Variants in WWTR1 observed in about 807,000 individuals in gnomAD.
WWTR1 encodes WW domain-containing transcription regulator protein 1.
WWTR1 carries 13 observed loss-of-function variants against 40.1 expected under a neutral mutation model. The observed-to-expected ratio is 0.32, with a 90% CI of 0.21 to 0.52. The LOEUF (loss-of-function observed/expected upper bound fraction) is 0.52. Ranked by LOEUF, WWTR1 falls within the 20% of genes least tolerant of loss-of-function variation. The pLI is 0.97. For synonymous variants in WWTR1, 230 were observed against 210.1 expected, an observed-to-expected ratio of 1.09 and a Z score of -0.82; for missense variants, 436 against 523.1, an observed-to-expected ratio of 0.83 and a Z score of 1.63.
intron 2 of WWTR1, among the ~76,000 whole-genome samples, chr3:149,655,777 T>C (rs1196997748): frequency 1.3e-5 from 2 of 152,244 alleles, no homozygotes; most frequent in Admixed American, 1.3e-4. Flanking sequence ...TAGGGCTCTC[T>C]CATAGCAATC....
chr3:149,660,814 T>G (rs1713537780), upstream of WWTR1, among the ~76,000 whole-genome samples: 1 of 152,234 alleles, frequency 6.6e-6, no homozygotes, highest in Admixed American at 6.5e-5. Context: ...GAACACAATA[T>G]TTGAAGCTGG....
chr3:149,589,749 C>T (rs866319158), intron 2 of WWTR1, among the ~76,000 whole-genome samples: 9 of 151,602 alleles, frequency 5.9e-5, no homozygotes, highest in Admixed American at 3.3e-4. Flanking sequence ...GCCTTACACA[C>T]AGCAGACATT....
At chr3:149,675,048 G>A (rs768338448) in intron 1 of WWTR1, among the ~76,000 whole-genome samples, 4 of 152,186 alleles carry the variant, frequency 2.6e-5, no homozygotes, top group Non-Finnish European at 5.9e-5. Context: ...ACGCTAGTCC[G>A]GGGTTTGGAC....
At chr3:149,567,007 A>T (rs896289375) in intron 3 of WWTR1, among the ~76,000 whole-genome samples, 1 of 152,068 alleles carries the variant, frequency 6.6e-6, no homozygotes, top group Non-Finnish European at 1.5e-5. Flanking sequence ...CACTTTACCA[A>T]AAGTTTCTGA....
At chr3:149,653,765 C>T (rs1332305405) in intron 2 of WWTR1, among the ~76,000 whole-genome samples, 1 of 152,158 alleles carries the variant, frequency 6.6e-6, no homozygotes, top group Non-Finnish European at 1.5e-5. Flanking sequence ...AAAAGGAAAA[C>T]TGTTGCCTAA....
chr3:149,678,184 C>G (rs1024051689), intron 1 of WWTR1, among the ~76,000 whole-genome samples: 3 of 152,158 alleles, frequency 2.0e-5, no homozygotes, highest in Non-Finnish European at 4.4e-5. Flanking sequence ...AACTTTTCAT[C>G]TCAACTATTT....
At chr3:149,565,848 T>C (rs1459292820) in intron 3 of WWTR1, among the ~76,000 whole-genome samples, 1 of 148,198 alleles carries the variant, frequency 6.7e-6, no homozygotes, top group Non-Finnish European at 1.5e-5. Flanking sequence ...GAGGTGGAGG[T>C]TGTGGGGAGG....
chr3:149,701,754 G>A (rs1715186374), intron 1 of WWTR1: 1 of 174,330 alleles, frequency 5.7e-6, no homozygotes. Flanking sequence ...TGTTTAAGTT[G>A]AAGCGCTCTC....
At chr3:149,670,766 A>T (rs542463820) in intron 1 of WWTR1, 1 of 152,238 alleles carries the variant, frequency 6.6e-6, no homozygotes, top group Non-Finnish European at 1.5e-5. Flanking sequence ...TTTTTTACTC[A>T]CTGCCCAAGA....
intron 4 of WWTR1, among the ~76,000 whole-genome samples, chr3:149,539,040 C>T (rs1217229526): frequency 1.3e-5 from 2 of 152,094 alleles, no homozygotes; most frequent in Non-Finnish European, 2.9e-5. Flanking sequence ...TCAAAGTTTC[C>T]TCAGATCCAT....
intron 2 of WWTR1, among the ~76,000 whole-genome samples, chr3:149,602,669 C>T (rs1213157598): frequency 6.6e-6 from 1 of 152,140 alleles, no homozygotes; most frequent in South Asian, 2.1e-4. Flanking sequence ...AGGCTTCCCC[C>T]CCAACTTTTT....
chr3:149,686,517 C>A (rs758389225), intron 1 of WWTR1, among the ~76,000 whole-genome samples: 1 of 152,058 alleles, frequency 6.6e-6, no homozygotes, highest in South Asian at 2.1e-4. Context: ...GCAATACATA[C>A]AGCAAGACAC....
chr3:149,650,284 A>ATGT lies in WWTR1; in HGVS notation c.431+6591_431+6592insACA, dbSNP rs1712790592. On this transcript the variant is annotated intron_variant, in intron 2 of 6. Coordinates refer to ENST00000360632, the MANE Select transcript of WWTR1 (RefSeq NM_015472.6). ...ATTACAAGACCTAATTATGGGCCAC[A>ATGT]CAATTGGCATGAGACAGCATGGCAT... The ATGT allele has an allele frequency of 2.0e-5, 3 of 152,368 alleles. No homozygotes were observed. The South Asian group carries it at 6.2e-4, about 32-fold the overall frequency. 9.4% of individuals were successfully genotyped at this position (152,368 alleles called of 1,614,324 possible).
At chr3:149,721,421 T>C (rs553144041) in intron 4 of WWTR1, among the ~76,000 whole-genome samples, 1 of 152,358 alleles carries the variant, frequency 6.6e-6, no homozygotes, top group South Asian at 2.1e-4. Context: ...TTTTCATAGA[T>C]TGAATCATCC....
chr3:149,579,483 C>T (rs879843468), intron 2 of WWTR1, among the ~76,000 whole-genome samples: 1 of 149,040 alleles, frequency 6.7e-6, no homozygotes, highest in South Asian at 2.2e-4. Context: ...TTTTCTCTTC[C>T]AGTAGAATAC....
At chr3:149,581,845 T>G (rs1408646094) in intron 2 of WWTR1, among the ~76,000 whole-genome samples, 1 of 152,034 alleles carries the variant, frequency 6.6e-6, no homozygotes, top group Non-Finnish European at 1.5e-5. Flanking sequence ...CTCACGTCCT[T>G]CCCACTGAGC....
At chr3:149,628,239 G>A (rs944041276) in intron 2 of WWTR1, among the ~76,000 whole-genome samples, 7 of 149,414 alleles carry the variant, frequency 4.7e-5, no homozygotes, top group Non-Finnish European at 7.4e-5. Context: ...GCGTGGTGGC[G>A]GGCGCCTGTA....
chr3:149,576,212 CAAGT>C (rs1050804247), intron 2 of WWTR1: 5 of 409,752 alleles, frequency 1.2e-5, no homozygotes, highest in Middle Eastern at 5.6e-4. Context: ...CTGAATGCAA[CAAGT>C]AAGAGTGAGC....
intron 6 of WWTR1, 29 bp downstream of exon 6, chr3:149,525,984 T>C (rs1560043798): frequency 1.4e-6 from 2 of 1,387,856 alleles, no homozygotes; most frequent in African/African-American, 1.5e-5. Flanking sequence ...CACAAACCCA[T>C]TGTAAGTGCT....
Sources: gnomAD v4.1 joint callset for allele counts (sites outside exome capture counted in the v4.1 genomes callset) on GRCh38, gnomAD v4.1.1 for gene constraint, MANE v1.5 for transcripts, NCBI Gene and HGNC (gene_info 2026-07-23, HGNC 2026-07-21) for gene names.